Variants in ZDHHC21 observed in about 807,000 individuals in gnomAD.
ZDHHC21 encodes palmitoyltransferase ZDHHC21.
A neutral mutation model predicts 34.6 loss-of-function variants in ZDHHC21; 15 were observed. The ratio of observed to expected loss-of-function variants is 0.43; its 90% CI spans 0.29 to 0.67. ZDHHC21 has a LOEUF of 0.67. Ranked by LOEUF, ZDHHC21 falls within the 30% of genes least tolerant of loss-of-function variation. The probability of loss-of-function intolerance (pLI) is 0.14; values close to 1 mark genes in which losing one functional copy is unlikely to be tolerated. For synonymous variants in ZDHHC21, 142 were observed against 101.8 expected, an observed-to-expected ratio of 1.40 and a Z score of -2.38; for missense variants, 344 against 327.7, an observed-to-expected ratio of 1.05 and a Z score of -0.38.
intron 7 of ZDHHC21, among the ~76,000 whole-genome samples, chr9:14,653,691 C>T (rs1831659801): frequency 6.6e-6 from 1 of 151,996 alleles, no homozygotes. Context: ...AGAAGTTTTG[C>T]ACTGCACAAC....
intron 7 of ZDHHC21, among the ~76,000 whole-genome samples, chr9:14,641,883 A>C (rs528094944): frequency 6.6e-6 from 1 of 152,282 alleles, no homozygotes; most frequent in East Asian, 1.9e-4. Context: ...TCACAGACAA[A>C]GTTTCGGAGT....
At chr9:14,665,792 A>G (rs1834324571) in intron 5 of ZDHHC21, among the ~76,000 whole-genome samples, 1 of 148,150 alleles carries the variant, frequency 6.7e-6, no homozygotes, top group Non-Finnish European at 1.5e-5. Context: ...ACAGACAAGC[A>G]AATGCTGACC....
At chr9:14,619,122 G>A (rs1824796468) in intron 9 of ZDHHC21, 24 bp from the exon 10 acceptor site, 1 of 1,583,380 alleles carries the variant, frequency 6.3e-7, no homozygotes. Flanking sequence ...CATTATTAGT[G>A]AAAGACAGCA....
At chr9:14,691,743 T>A (rs569503976) in intron 1 of ZDHHC21, among the ~76,000 whole-genome samples, 7 of 152,326 alleles carry the variant, frequency 4.6e-5, no homozygotes, top group African/African-American at 1.7e-4. Context: ...ATTGTTTCCA[T>A]CGAAAATGAT....
intron 2 of ZDHHC21, among the ~76,000 whole-genome samples, chr9:14,683,985 T>C (rs1246882394): frequency 1.3e-5 from 2 of 152,138 alleles, no homozygotes; most frequent in African/African-American, 2.4e-5. Context: ...GAAAAGGCCT[T>C]TGACAAAATT....
chr9:14,619,189 C>G, intron 9 of ZDHHC21, 91 bp from the exon 10 acceptor site: 1 of 1,360,800 alleles, frequency 7.3e-7, no homozygotes, highest in Non-Finnish European at 9.8e-7. Flanking sequence ...GGATCCATTA[C>G]TGGACTCTGA....
At chr9:14,655,372 G>A (rs1254179389) in intron 7 of ZDHHC21, among the ~76,000 whole-genome samples, 4 of 151,852 alleles carry the variant, frequency 2.6e-5, no homozygotes, top group African/African-American at 9.7e-5. Context: ...CCTAGAGGAG[G>A]CTCAGGTATA....
chr9:14,657,725 C>A (rs975150040), intron 7 of ZDHHC21, among the ~76,000 whole-genome samples: 1 of 152,184 alleles, frequency 6.6e-6, no homozygotes, highest in Non-Finnish European at 1.5e-5. Flanking sequence ...CTGCACTATA[C>A]TACAATGCAT....
chr9:14,599,317 C>A, the ZDHHC21 span, among the ~76,000 whole-genome samples: 1 of 152,250 alleles, frequency 6.6e-6, no homozygotes, highest in South Asian at 2.1e-4. Context: ...CAGGGTGGGG[C>A]ATTGCCTCAC....
intron 7 of ZDHHC21, among the ~76,000 whole-genome samples, chr9:14,647,532 T>G (rs549919316): frequency 1.3e-4 from 20 of 152,242 alleles, no homozygotes; most frequent in Admixed American, 2.6e-4. Flanking sequence ...AACTCCCTGT[T>G]GACTATCAAT....
chr9:14,692,921 C>T (rs1375866953), intron 1 of ZDHHC21, among the ~76,000 whole-genome samples: 1 of 151,918 alleles, frequency 6.6e-6, no homozygotes, highest in African/African-American at 2.4e-5. Flanking sequence ...AAATAACTAG[C>T]CAACATCGTC....
At chr9:14,637,410 C>T (rs1315178332) in intron 8 of ZDHHC21, among the ~76,000 whole-genome samples, 3 of 151,880 alleles carry the variant, frequency 2.0e-5, no homozygotes, top group Admixed American at 2.0e-4. Context: ...AATAAAAAGT[C>T]TCCCAACAAA....
intron 7 of ZDHHC21, among the ~76,000 whole-genome samples, chr9:14,647,875 A>G (rs1830538077): frequency 2.6e-5 from 4 of 152,198 alleles, no homozygotes; most frequent in Admixed American, 2.6e-4. Context: ...GTCTTTAAAT[A>G]TCATCTTTAT....
chr9:14,600,449 T>G, the ZDHHC21 span, among the ~76,000 whole-genome samples: 1 of 152,162 alleles, frequency 6.6e-6, no homozygotes, highest in Non-Finnish European at 1.5e-5. Flanking sequence ...TTACAAGGAA[T>G]GTGAAGGAAC....
chr9:14,628,444 A>C (rs1826699223), intron 8 of ZDHHC21, among the ~76,000 whole-genome samples: 1 of 152,170 alleles, frequency 6.6e-6, no homozygotes, highest in African/African-American at 2.4e-5. Context: ...CTAAATCCCA[A>C]AGAGACAACA....
intron 2 of ZDHHC21, among the ~76,000 whole-genome samples, chr9:14,687,491 TAAAACCCCGTCTCTACCAA>T (rs1838507976): frequency 6.6e-6 from 1 of 150,556 alleles, no homozygotes; most frequent in South Asian, 2.1e-4. Flanking sequence ...GCCAACATGT[TAAAACCCCGTCTCTACCAA>T]AAATACAACA....
intron 5 of ZDHHC21, among the ~76,000 whole-genome samples, chr9:14,666,549 T>C (rs1286865663): frequency 1.0e-5 from 1 of 99,478 alleles, no homozygotes; most frequent in African/African-American, 3.3e-5. Context: ...AATATACATT[T>C]TTTTCAGCAC....
intron 8 of ZDHHC21, among the ~76,000 whole-genome samples, chr9:14,621,690 A>T (rs572670219): frequency 6.6e-6 from 1 of 152,184 alleles, no homozygotes; most frequent in South Asian, 2.1e-4. Context: ...TAGCAACCAA[A>T]CATGTCATCA....
chr9:14,602,164 C>G, the ZDHHC21 span, among the ~76,000 whole-genome samples: 1 of 151,380 alleles, frequency 6.6e-6, no homozygotes. Flanking sequence ...ATAAAAAGAA[C>G]CTAACAGAAA....
Sources: gnomAD v4.1 joint callset for allele counts (sites outside exome capture counted in the v4.1 genomes callset) on GRCh38, gnomAD v4.1.1 for gene constraint, MANE v1.5 for transcripts, NCBI Gene and HGNC (gene_info 2026-07-23, HGNC 2026-07-21) for gene names.